The following NLRP2 variants were observed in gnomAD, a reference collection of about 807,000 sequenced individuals.
NLRP2 encodes the protein NLR family pyrin domain containing 2.
In NLRP2, 107 loss-of-function variants were observed where a neutral mutation model predicts 97.2. That is an observed-to-expected ratio of 1.10 (90% CI 0.94 to 1.29). The LOEUF is 1.29. Among genes scored for constraint, NLRP2 ranks in the 50% most tolerant of loss-of-function variants. The pLI, the probability that NLRP2 is intolerant of heterozygous loss-of-function variation, is 0.00. For missense variants in NLRP2, 1,495 were observed against 1,330.3 expected (o/e 1.12, Z -1.93); for synonymous variants, 663 against 551.5 (o/e 1.20, Z -2.83).
chr19:54,970,001 C>T lies in NLRP2; in HGVS notation c.-15C>T. On this transcript the variant is annotated splice_region_variant and 5_prime_UTR_variant, in exon 2 of 13. Transcript: ENST00000448584. ...TCCTCCCTTGATTGTCATCACAGCT[C>T]CCACGTGGGACAAGATGGTGTCTTC... 1 of 1,612,766 alleles carries T rather than the reference C, an allele frequency of 6.2e-7. No individual in the cohort carries two copies. The highest frequency in any genetic ancestry group is 8.5e-7 in the Non-Finnish European group (1 of 1,179,948).
intron 1 of NLRP2, among the ~76,000 whole-genome samples, chr19:54,967,102 A>G (rs1249353256): frequency 6.7e-6 from 1 of 148,860 alleles, no homozygotes; most frequent in Non-Finnish European, 1.5e-5. Flanking sequence ...CCTGGGCTCA[A>G]GCGATCTTCC....
At chr19:54,998,251 T>G (rs971603843) in intron 12 of NLRP2, among the ~76,000 whole-genome samples, 1 of 151,684 alleles carries the variant, frequency 6.6e-6, no homozygotes, top group African/African-American at 2.4e-5. Flanking sequence ...ACTCCTGACC[T>G]CCGTGATTTG....
chr19:54,996,132 A>G (rs1297788621), intron 11 of NLRP2, among the ~76,000 whole-genome samples: 1 of 151,464 alleles, frequency 6.6e-6, no homozygotes, highest in African/African-American at 2.4e-5. Flanking sequence ...TGGTTGGCCC[A>G]GGAGGTCAAG....
At chr19:54,981,485 C>T in intron 4 of NLRP2, 132 bp from the exon 5 acceptor site, 1 of 697,784 alleles carries the variant, frequency 1.4e-6, no homozygotes, top group Non-Finnish European at 2.6e-6. Flanking sequence ...ACATTTGTAG[C>T]TTATTTGCTT....
At chr19:54,966,842 T>C (rs2070462844) in intron 1 of NLRP2, among the ~76,000 whole-genome samples, 4 of 124,284 alleles carry the variant, frequency 3.2e-5, no homozygotes, top group Admixed American at 1.6e-4. Context: ...TTTTTTTTTT[T>C]TTTTTTTTTC....
Position 54,974,507 on chromosome 19 carries a change from T to C in NLRP2, c.288T>C (p.Ala96=). ...CCCCTTCTCCTTTTTCAGAAGCAGC[T>C]TTGAAATCCTTTAATAAAAGGAAGC... ...ERAKDEVREA[A]LKSFNKRKPL... The change falls in exon 3 of 13, where the codon GCT becomes GCC. Residue 96 remains alanine (A), a synonymous_variant. Transcript: ENST00000448584. The C allele has an allele frequency of 6.2e-7, 1 of 1,611,472 alleles. No individual in the cohort carries two copies. Among genetic ancestry groups the C allele is most frequent in the Non-Finnish European group, 8.5e-7 (1 of 1,177,602 alleles).
At chr19:54,972,089 G>A (rs770761217) in intron 2 of NLRP2, among the ~76,000 whole-genome samples, 13 of 148,306 alleles carry the variant, frequency 8.8e-5, no homozygotes, top group African/African-American at 1.2e-4. Context: ...TGATCTGCCC[G>A]CCTCGGCCTC....
chr19:54,981,789 A>C, intron 5 of NLRP2, 107 bp downstream of exon 5: 1 of 795,446 alleles, frequency 1.3e-6, no homozygotes, highest in Non-Finnish European at 2.2e-6. Flanking sequence ...TTATGTATGT[A>C]TGTATCGAGA....
intron 11 of NLRP2, 34 bp from the exon 12 acceptor site, chr19:54,997,283 C>A: frequency 1.9e-6 from 3 of 1,609,072 alleles, no homozygotes; most frequent in Non-Finnish European, 2.5e-6. Context: ...TCAGCACTGG[C>A]TGCATTAACG....
At chr19:54,969,649 T>C (rs1199557840) in intron 1 of NLRP2, among the ~76,000 whole-genome samples, 1 of 152,104 alleles carries the variant, frequency 6.6e-6, no homozygotes, top group Non-Finnish European at 1.5e-5. Flanking sequence ...AGTGAAACTA[T>C]CTCAAAAATA....
chr19:54,986,878 TTTTTTC>T (rs1472553990), intron 8 of NLRP2, among the ~76,000 whole-genome samples: 3 of 150,406 alleles, frequency 2.0e-5, no homozygotes, highest in Admixed American at 6.7e-5. Context: ...TTGGTTTTGG[TTTTTTC>T]TTTTTCTTTT....
chr19:54,978,284 G>C (rs549955797), intron 4 of NLRP2, among the ~76,000 whole-genome samples: 1 of 149,960 alleles, frequency 6.7e-6, no homozygotes, highest in East Asian at 2.0e-4. Flanking sequence ...ACCCAGGCTG[G>C]AGTATAGTGG....
At position 54,982,540 on chromosome 19, in the gene NLRP2, G is replaced by T. The variant is rs200257622; in HGVS notation, c.842G>T (p.Arg281Leu). The T allele has an allele frequency of 1.2e-6, 2 of 1,614,214 alleles. No homozygotes were observed. The highest frequency in any genetic ancestry group is 1.7e-6 in the Non-Finnish European group (2 of 1,180,042). The change falls in exon 6 of 13, where the codon CGG becomes CTG. Residue 281 changes from arginine to leucine, a missense_variant. By Grantham distance (102) the Arg-to-Leu change is moderately radical (BLOSUM62 -2). Transcript: ENST00000448584. ...DDIPHILAQA[R>L]KILFVIDGFD... The stretch of plus-strand genomic sequence containing the variant: ...ATTCCACACATCCTAGCCCAAGCAC[G>T]GAAAATCTTGTTCGTGATTGACGGC...
At chr19:54,990,922 A>G in intron 10 of NLRP2, 1 of 554,506 alleles carries the variant, frequency 1.8e-6, no homozygotes, top group Non-Finnish European at 3.2e-6. Context: ...CTCTTTATGT[A>G]TGTATGTATT....
chr19:54,980,199 TTTG>T, intron 4 of NLRP2, among the ~76,000 whole-genome samples: 1 of 105,358 alleles, frequency 9.5e-6, no homozygotes, highest in South Asian at 2.8e-4. Context: ...AAAGAAATGT[TTTG>T]TTTTGTTTTT....
At position 54,994,351 on chromosome 19, in the gene NLRP2, G is replaced by A; in HGVS notation, c.2791G>A (p.Asp931Asn). 1 of 1,614,124 alleles carries A rather than the reference G, an allele frequency of 6.2e-7. No individual in the cohort carries two copies. Reference sequence around the variant, plus strand: ...AGAAAAATCAAGCCTGTTGTGTTTGGATCTGGGGCTGAATCACATAGGAGT... The same window carrying A: ...AGAAAAATCAAGCCTGTTGTGTTTGAATCTGGGGCTGAATCACATAGGAGT... ...LQEKSSLLCL[D>N]LGLNHIGVKG... is the part of the protein sequence containing the mutation. The change falls in exon 11 of 13, where the codon GAT (aspartate) becomes AAT (asparagine). Residue 931 changes from aspartate (D) to asparagine (N), a missense_variant. Coordinates refer to ENST00000448584, the MANE Select transcript of NLRP2 (RefSeq NM_017852.5).
chr19:54,973,370 GTTTGGAT>G (rs2070997633), intron 2 of NLRP2, among the ~76,000 whole-genome samples: 2 of 68,378 alleles, frequency 2.9e-5, no homozygotes, highest in South Asian at 7.3e-4. Flanking sequence ...TTTTGGTTTG[GTTTGGAT>G]TTTGGTTTTG....
chr19:54,975,101 GTTTTGTTT>G (rs2071116683), intron 3 of NLRP2, among the ~76,000 whole-genome samples: 2 of 83,100 alleles, frequency 2.4e-5, no homozygotes, highest in African/African-American at 8.3e-5. Context: ...ACCACACCCG[GTTTTGTTT>G]TTTTTTTTTT....
At chr19:54,990,459 G>A (rs773779688) in intron 9 of NLRP2, 43 bp from the exon 10 acceptor site, 5 of 1,604,250 alleles carry the variant, frequency 3.1e-6, no homozygotes, top group Non-Finnish European at 4.3e-6. Flanking sequence ...GAAGGTTGAA[G>A]TTGGACCTGT....
Sources: gnomAD v4.1 joint callset for allele counts (sites outside exome capture counted in the v4.1 genomes callset) on GRCh38, gnomAD v4.1.1 for gene constraint, MANE v1.5 for transcripts, NCBI Gene and HGNC (gene_info 2026-07-23, HGNC 2026-07-21) for gene names.